The following PTPRG variants were observed in gnomAD, a reference collection of about 807,000 sequenced individuals.
The protein encoded by PTPRG is receptor-type tyrosine-protein phosphatase gamma.
A neutral mutation model predicts 165.3 loss-of-function variants in PTPRG; 102 were observed. The observed-to-expected ratio is 0.62, with a 90% confidence interval of 0.53 to 0.73. The LOEUF is 0.73. Among genes scored for constraint, PTPRG ranks in the 30% least tolerant of loss-of-function variants. The pLI is 0.00. For missense variants in PTPRG, 1,866 were observed against 1,861.4 expected (o/e 1.00, Z -0.05); for synonymous variants, 675 against 669.5 (o/e 1.01, Z -0.13).
At chr3:61,846,767 T>C (rs1339751677) in intron 2 of PTPRG, among the ~76,000 whole-genome samples, 1 of 152,124 alleles carries the variant, frequency 6.6e-6, no homozygotes. Context: ...ATAGAAAAAT[T>C]AGCCAGGTGT....
At chr3:61,965,612 C>T (rs2040253897) in intron 2 of PTPRG, among the ~76,000 whole-genome samples, 1 of 151,728 alleles carries the variant, frequency 6.6e-6, no homozygotes, top group Admixed American at 6.6e-5. Flanking sequence ...TTTGGGTATG[C>T]TCATTCATTC....
At chr3:61,944,728 C>T (rs984936338) in intron 2 of PTPRG, among the ~76,000 whole-genome samples, 1 of 152,158 alleles carries the variant, frequency 6.6e-6, no homozygotes. Context: ...GTCTATCCCA[C>T]TGGAATGTAC....
chr3:61,732,702 C>G (rs1305753968), intron 1 of PTPRG, among the ~76,000 whole-genome samples: 1 of 146,978 alleles, frequency 6.8e-6, no homozygotes, highest in Non-Finnish European at 1.5e-5. Flanking sequence ...GAGCGAGACT[C>G]CGTCTCAAAA....
rs1173946602 is a variant in PTPRG at position 61,597,455 on chromosome 3, T to G, written c.85+35083T>G. On this transcript the variant is annotated intron_variant, in intron 1 of 29. Coordinates refer to ENST00000474889, the MANE Select transcript of PTPRG (RefSeq NM_002841.4). ...CTGTTAGGGAGGCCTGACTGCATAT[T>G]TGATGGAAATAAATGGTATAGAACA... is the stretch of plus-strand genomic sequence containing the variant. Among the ~76,000 whole-genome samples the G allele has an allele frequency of 2.0e-5, 3 of 152,184 alleles. No homozygotes were observed. In the East Asian group the frequency reaches 5.8e-4, roughly 29 times the overall value.
At chr3:61,904,166 T>TTAAA in intron 2 of PTPRG, among the ~76,000 whole-genome samples, 1 of 152,322 alleles carries the variant, frequency 6.6e-6, no homozygotes, top group Middle Eastern at 3.4e-3. Flanking sequence ...TTCCTCATTT[T>TTAAA]TAACACCCAA....
chr3:62,178,220 T>A (rs113202659), intron 8 of PTPRG, among the ~76,000 whole-genome samples: 1 of 151,580 alleles, frequency 6.6e-6, no homozygotes, highest in Non-Finnish European at 1.5e-5. Context: ...GGAGGATGGA[T>A]GGATGCATGG....
chr3:61,921,117 CTCCTTCCTTCCT>C (rs72298352), intron 2 of PTPRG, among the ~76,000 whole-genome samples: 3,185 of 148,550 alleles, frequency 0.021, 32 homozygotes, highest in Middle Eastern at 0.031. Context: ...TTCCATCCAT[CTCCTTCCTTCCT>C]TCCTTCCTTC....
intron 2 of PTPRG, among the ~76,000 whole-genome samples, chr3:61,904,395 G>A (rs1307881056): frequency 1.3e-5 from 2 of 152,160 alleles, no homozygotes; most frequent in African/African-American, 2.4e-5. Context: ...TTCCAGTGCT[G>A]TGTTTTTATG....
rs772867538 is a variant in PTPRG at position 62,191,455 on chromosome 3, C to T, written c.1034-14C>T. On this transcript the variant is annotated splice_polypyrimidine_tract_variant and intron_variant, in intron 8 of 29. Coordinates refer to ENST00000474889, the MANE Select transcript of PTPRG (RefSeq NM_002841.4). Reference sequence around the variant, plus strand: ...TTCTGAAAGCTCCCTGAGCTGAGCCCTGTGTATCTTCAGTTTGCAGCTCTC... The same window carrying T: ...TTCTGAAAGCTCCCTGAGCTGAGCCTTGTGTATCTTCAGTTTGCAGCTCTC... The T allele has an allele frequency of 1.9e-6, 3 of 1,612,126 alleles. No homozygotes were observed. Among genetic ancestry groups the T allele is most frequent in the Non-Finnish European group, 2.5e-6 (3 of 1,179,398 alleles).
intron 3 of PTPRG, among the ~76,000 whole-genome samples, chr3:61,996,280 G>A (rs1188030244): frequency 6.6e-5 from 10 of 152,064 alleles, no homozygotes; most frequent in Admixed American, 6.5e-4. Flanking sequence ...TTCTGGGAGG[G>A]TTTCAAACTC....
intron 4 of PTPRG, among the ~76,000 whole-genome samples, chr3:62,043,397 A>G (rs763799): frequency 0.19 from 29,099 of 152,204 alleles, 3,011 homozygotes; most frequent in Admixed American, 0.27. Context: ...GAATGATTTT[A>G]ATGTGGTCAT....
chr3:62,262,216 CTG>C (rs1701721408), intron 16 of PTPRG: 1 of 152,152 alleles, frequency 6.6e-6, no homozygotes, highest in African/African-American at 2.4e-5. Flanking sequence ...TTTGTCAAGA[CTG>C]TATATATGAG....
Position 62,201,506 on chromosome 3 carries a change from T to G in PTPRG, c.1329T>G (p.Ala443=). 1 of 1,607,274 alleles carries G rather than the reference T, an allele frequency of 6.2e-7. No homozygotes were observed. Among genetic ancestry groups the G allele is most frequent in the Non-Finnish European group, 8.5e-7 (1 of 1,176,152 alleles). The change falls in exon 11 of 30, where the codon GCT becomes GCG. Residue 443 remains alanine, a splice_region_variant and synonymous_variant. Coordinates refer to ENST00000474889, the MANE Select transcript of PTPRG (RefSeq NM_002841.4). Reference sequence around the variant, plus strand: ...AAATGTAATTTCTTTGTTTCTCAGCTAATACCACTCGAATATTCCAAGGGA... The same window carrying G: ...AAATGTAATTTCTTTGTTTCTCAGCGAATACCACTCGAATATTCCAAGGGA... ...SDFSQTMLFQ[A]NTTRIFQGTR...
At chr3:61,623,903 A>T (rs2106909039) in intron 1 of PTPRG, among the ~76,000 whole-genome samples, 1 of 152,298 alleles carries the variant, frequency 6.6e-6, no homozygotes, top group East Asian at 1.9e-4. Flanking sequence ...TTTTACTGCC[A>T]AGCACCAAAT....
chr3:62,152,574 G>A (rs746323092), intron 6 of PTPRG, among the ~76,000 whole-genome samples: 2 of 152,142 alleles, frequency 1.3e-5, no homozygotes, highest in African/African-American at 2.4e-5. Flanking sequence ...AGCATTGCAA[G>A]CACCCCATTT....
In PTPRG at chr3:61,605,324, C is replaced by T. The variant is rs868281428; in HGVS notation, c.85+42952C>T. ...AGGCTGGAGTGCACTGGCATGATCT[C>T]GACTCACTGCAACCTCTGCCTCCCA... is the stretch of plus-strand genomic sequence containing the variant. On this transcript the variant is annotated intron_variant, in intron 1 of 29. Transcript: ENST00000474889. Among the ~76,000 whole-genome samples the T allele has an allele frequency of 5.3e-5, 8 of 151,944 alleles. No individual in the cohort carries two copies. In the South Asian group the frequency reaches 8.3e-4, roughly 16 times the overall value.
chr3:61,589,002 A>C (rs561563950), intron 1 of PTPRG, among the ~76,000 whole-genome samples: 1 of 152,302 alleles, frequency 6.6e-6, no homozygotes, highest in African/African-American at 2.4e-5. Flanking sequence ...GGGGTCAGCA[A>C]ATCATAGCCT....
chr3:62,223,397 G>A (rs1350064128), intron 13 of PTPRG, among the ~76,000 whole-genome samples: 1 of 152,170 alleles, frequency 6.6e-6, no homozygotes, highest in Non-Finnish European at 1.5e-5. Flanking sequence ...GTTTTGGGGA[G>A]ATTTTTATAA....
intron 17 of PTPRG, among the ~76,000 whole-genome samples, chr3:62,265,956 C>T (rs758781747): frequency 8.3e-5 from 11 of 132,322 alleles, no homozygotes; most frequent in African/African-American, 1.9e-4. Flanking sequence ...TCCTTTACTT[C>T]TCTAATGTCA....
Sources: gnomAD v4.1 joint callset for allele counts (sites outside exome capture counted in the v4.1 genomes callset) on GRCh38, gnomAD v4.1.1 for gene constraint, MANE v1.5 for transcripts, NCBI Gene and HGNC (gene_info 2026-07-23, HGNC 2026-07-21) for gene names.